The following INTU variants were observed in gnomAD, a reference collection of about 807,000 sequenced individuals.
INTU encodes protein inturned.
A neutral mutation model predicts 100.5 loss-of-function variants in INTU; 68 were observed. That is an observed-to-expected ratio of 0.68 (90% CI 0.56 to 0.83). The LOEUF (loss-of-function observed/expected upper bound fraction) is 0.83, where lower values mean the gene tolerates loss of function less well. Ranked by LOEUF, INTU falls within the 40% of genes least tolerant of loss-of-function variation. INTU has a pLI of 0.00. For missense variants in INTU, 1,071 were observed against 1,114.7 expected (o/e 0.96, Z 0.56); for synonymous variants, 357 against 395.7 (o/e 0.90, Z 1.16).
intron 8 of INTU, among the ~76,000 whole-genome samples, chr4:127,695,942 G>A (rs1730362048): frequency 6.6e-6 from 1 of 152,040 alleles, no homozygotes; most frequent in Non-Finnish European, 1.5e-5. Flanking sequence ...TGCATATATT[G>A]ATAGAATCAT....
intron 2 of INTU, among the ~76,000 whole-genome samples, chr4:127,646,194 A>AC (rs1727579498): frequency 6.6e-6 from 1 of 151,810 alleles, no homozygotes; most frequent in Non-Finnish European, 1.5e-5. Context: ...CAAAAAAAAA[A>AC]AAAAAAATTG....
chr4:127,650,978 G>C (rs1727837776), intron 2 of INTU, among the ~76,000 whole-genome samples: 1 of 151,656 alleles, frequency 6.6e-6, no homozygotes, highest in African/African-American at 2.4e-5. Flanking sequence ...CCAGTGATGA[G>C]CATTTTTTCA....
At chr4:127,708,549 TC>T in intron 12 of INTU, 21 bp from the exon 13 acceptor site, 1 of 1,228,172 alleles carries the variant, frequency 8.1e-7, no homozygotes, top group Non-Finnish European at 1.2e-6. Flanking sequence ...TATAAACTGA[TC>T]TACTTAACTA....
At chr4:127,638,988 T>C (rs1727193459) in intron 1 of INTU, among the ~76,000 whole-genome samples, 1 of 152,144 alleles carries the variant, frequency 6.6e-6, no homozygotes, top group Admixed American at 6.5e-5. Context: ...TTAATTTTCT[T>C]TTTATTTTTG....
Position 127,703,322 on chromosome 4 carries a change from A to G in INTU, c.1504-906A>G, listed in dbSNP as rs904955697. On this transcript the variant is annotated intron_variant, in intron 9 of 15. Transcript: ENST00000335251. ...AAAAAGAAAAAAAACTTATAAAAGT[A>G]ATAGCTGTGTACGGGGTGAAGCTCC... 8.5e-5 allele frequency among the ~76,000 whole-genome samples: 13 copies of G among 152,338 alleles called. No homozygotes were observed. In the East Asian group the frequency reaches 2.3e-3, roughly 27 times the overall value.
chr4:127,706,475 T>G lies in INTU; in HGVS notation c.1789-12T>G. ...GTAGCTAAACCTACATTTGTAATTT[T>G]TTTCCCTATAGAAACATTATATGCT... On this transcript the variant is annotated splice_polypyrimidine_tract_variant and intron_variant, in intron 11 of 15. Transcript: ENST00000335251. 1 of 1,581,878 alleles carries G rather than the reference T, an allele frequency of 6.3e-7. No individual in the cohort carries two copies. Among genetic ancestry groups the G allele is most frequent in the Non-Finnish European group, 8.6e-7 (1 of 1,163,640 alleles).
At position 127,705,621 on chromosome 4, in the gene INTU, G is replaced by T. The variant is rs778962737; in HGVS notation, c.1597G>T (p.Asp533Tyr). The change falls in exon 11 of 16, where the codon GAT becomes TAT. Residue 533 changes from aspartate (D) to tyrosine (Y), a missense_variant. Physicochemically the swap from Asp to Tyr is radical, Grantham distance 160. Coordinates refer to ENST00000335251, the MANE Select transcript of INTU (RefSeq NM_015693.4). Reference protein sequence around the residue: ...GYLICSHLPKDDLIDIAVYCR... With the variant: ...GYLICSHLPKYDLIDIAVYCR... The stretch of plus-strand genomic sequence containing the variant: ...TTTGATATGCAGTCATTTGCCCAAG[G>T]ATGATCTTATTGATATTGCCGTATA... 13 of 1,613,778 alleles carry T rather than the reference G, an allele frequency of 8.1e-6. No homozygotes were observed. The East Asian group carries it at 2.7e-4, about 33-fold the overall frequency.
In INTU at chr4:127,673,716, C is replaced by T. The variant is rs563656217; in HGVS notation, c.1092-408C>T. Among the ~76,000 whole-genome samples the T allele has an allele frequency of 1.2e-4, 19 of 152,080 alleles. No individual in the cohort carries two copies. In the South Asian group the frequency reaches 3.7e-3, roughly 30 times the overall value. ...GGTTCAAGCACTTCTCATACCTCAG[C>T]CTCCCTAGTAGCCAGGATCACAGGC... On this transcript the variant is annotated intron_variant, in intron 5 of 15. Coordinates refer to ENST00000335251, the MANE Select transcript of INTU (RefSeq NM_015693.4).
In INTU at chr4:127,710,676, C is replaced by A. The variant is rs543794235; in HGVS notation, c.2370-237C>A. On this transcript the variant is annotated intron_variant, in intron 13 of 15. Transcript: ENST00000335251. ...TGCAAATGAATTGAGGTTTACTTAT[C>A]CTTGCATAACATGTAGTATTTGCCT... is the stretch of plus-strand genomic sequence containing the variant. Among the ~76,000 whole-genome samples, 11 of 152,268 alleles carry A rather than the reference C, an allele frequency of 7.2e-5. No homozygotes were observed. The South Asian group carries it at 2.3e-3, about 32-fold the overall frequency.
intron 10 of INTU, 75 bp downstream of exon 10, chr4:127,704,365 T>C (rs949700438): frequency 9.6e-6 from 10 of 1,042,994 alleles, no homozygotes; most frequent in Admixed American, 6.1e-5. Context: ...TTTACAAACA[T>C]GAAAAATACA....
At chr4:127,687,901 C>T (rs1204780033) in intron 8 of INTU, 34 bp downstream of exon 8, 3 of 1,379,984 alleles carry the variant, frequency 2.2e-6, no homozygotes, top group Non-Finnish European at 3.0e-6. Context: ...GAAGCAGAAC[C>T]AGGTGCCTTA....
chr4:127,682,644 T>C (rs1464351489), intron 6 of INTU, among the ~76,000 whole-genome samples: 1 of 150,628 alleles, frequency 6.6e-6, no homozygotes, highest in East Asian at 2.0e-4. Context: ...TACCTAATGC[T>C]AAATGACGAG....
chr4:127,649,419 A>G (rs764089471), intron 2 of INTU, among the ~76,000 whole-genome samples: 2 of 152,146 alleles, frequency 1.3e-5, no homozygotes, highest in African/African-American at 2.4e-5. Context: ...CAGAAACATG[A>G]GACTCATGAA....
At chr4:127,674,468 G>A (rs1729080963) in intron 6 of INTU, among the ~76,000 whole-genome samples, 1 of 152,296 alleles carries the variant, frequency 6.6e-6, no homozygotes, top group Non-Finnish European at 1.5e-5. Flanking sequence ...TCAATAGAGA[G>A]GTGGCTGAGA....
chr4:127,633,291 G>T (rs1726921419), intron 1 of INTU, 111 bp downstream of exon 1: 2 of 1,124,416 alleles, frequency 1.8e-6, no homozygotes, highest in Middle Eastern at 2.2e-4. Context: ...AGTATTTGGG[G>T]TTCTATAATA....
At chr4:127,690,607 T>G (rs1278072092) in intron 8 of INTU, among the ~76,000 whole-genome samples, 7 of 152,210 alleles carry the variant, frequency 4.6e-5, no homozygotes, top group Non-Finnish European at 7.3e-5. Context: ...CTAGATACCT[T>G]TTGCTAAAGT....
intron 13 of INTU, among the ~76,000 whole-genome samples, chr4:127,709,722 C>G (rs867528834): frequency 0.038 from 5,761 of 151,678 alleles, 372 homozygotes; most frequent in African/African-American, 0.13. Flanking sequence ...CACACACACA[C>G]ACACACACAC....
At chr4:127,666,111 C>T (rs1406625273) in intron 4 of INTU, among the ~76,000 whole-genome samples, 1 of 152,092 alleles carries the variant, frequency 6.6e-6, no homozygotes, top group Admixed American at 6.6e-5. Flanking sequence ...TTTAATCTCT[C>T]CATTGTGTTT....
chr4:127,680,707 T>C (rs1158487174), intron 6 of INTU, among the ~76,000 whole-genome samples: 1 of 146,402 alleles, frequency 6.8e-6, no homozygotes, highest in African/African-American at 2.5e-5. Flanking sequence ...AGGGATGCCG[T>C]CTCTCACCGC....
Sources: allele counts gnomAD v4.1 joint callset (sites outside exome capture counted in the v4.1 genomes callset), GRCh38; gene constraint gnomAD v4.1.1; transcripts MANE v1.5; gene names NCBI Gene and HGNC (gene_info 2026-07-23, HGNC 2026-07-21).